The following DAB2IP variants were observed in gnomAD, a reference collection of about 807,000 sequenced individuals.
DAB2IP encodes the protein disabled homolog 2-interacting protein.
A neutral mutation model predicts 107.2 loss-of-function variants in DAB2IP; 28 were observed. The observed-to-expected ratio is 0.26, with a 90% CI of 0.19 to 0.36. The LOEUF is 0.36. DAB2IP is among the 10% of genes least tolerant of loss of function. The pLI, the probability that DAB2IP is intolerant of heterozygous loss-of-function variation, is 1.00. For missense variants in DAB2IP, 1,400 were observed against 1,644.7 expected (o/e 0.85, Z 2.57); for synonymous variants, 755 against 706.4 (o/e 1.07, Z -1.09).
intron 1 of DAB2IP, among the ~76,000 whole-genome samples, chr9:121,653,412 T>C (rs10985343): frequency 0.35 from 53,135 of 151,756 alleles, 10,332 homozygotes; most frequent in African/African-American, 0.51. Context: ...CTTACTCCCT[T>C]CCCCTGGACT....
chr9:121,605,807 C>G (rs1830850915), intron 1 of DAB2IP, among the ~76,000 whole-genome samples: 1 of 152,144 alleles, frequency 6.6e-6, no homozygotes, highest in African/African-American at 2.4e-5. Context: ...CACCTGGCTT[C>G]TTTAGCATTT....
chr9:121,670,524 T>C (rs1237298861), intron 1 of DAB2IP, among the ~76,000 whole-genome samples: 2 of 152,236 alleles, frequency 1.3e-5, no homozygotes, highest in East Asian at 3.8e-4. Context: ...GTTTCTGTTT[T>C]CTTGCTGGCT....
At chr9:121,759,849 C>G (rs371466426) in intron 5 of DAB2IP, 36 bp from the exon 6 acceptor site, 1 of 1,572,712 alleles carries the variant, frequency 6.4e-7, no homozygotes, top group Non-Finnish European at 8.6e-7. Context: ...ACGTGGCACC[C>G]CCAGCTGACC....
At chr9:121,774,549 C>T in intron 13 of DAB2IP, 137 bp downstream of exon 13, 1 of 1,033,280 alleles carries the variant, frequency 9.7e-7, no homozygotes, top group South Asian at 1.8e-5. Context: ...AGCCCCTGTT[C>T]CCTGTGAGAA....
chr9:121,675,130 G>A (rs759248374), intron 1 of DAB2IP, among the ~76,000 whole-genome samples: 5 of 152,066 alleles, frequency 3.3e-5, no homozygotes, highest in South Asian at 2.1e-4. Flanking sequence ...CTGCTGAGTC[G>A]CCAAGTAGCA....
intron 1 of DAB2IP, among the ~76,000 whole-genome samples, chr9:121,567,576 T>A (rs1006202579): frequency 6.6e-6 from 1 of 152,156 alleles, no homozygotes; most frequent in Non-Finnish European, 1.5e-5. Flanking sequence ...GCCTGCCCTG[T>A]GCTGTGGGGA....
intron 3 of DAB2IP, among the ~76,000 whole-genome samples, chr9:121,707,789 T>G (rs939736655): frequency 3.3e-5 from 5 of 152,224 alleles, no homozygotes; most frequent in Non-Finnish European, 5.9e-5. Flanking sequence ...TGTTAGCAGG[T>G]GAAGGATGTG....
At chr9:121,576,194 A>T (rs1186466615) in intron 1 of DAB2IP, 1 of 151,996 alleles carries the variant, frequency 6.6e-6, no homozygotes, top group East Asian at 1.9e-4. Context: ...AAAACTTCAC[A>T]GGGCCCACCG....
chr9:121,601,496 T>C (rs1357763625), intron 1 of DAB2IP, among the ~76,000 whole-genome samples: 1 of 152,220 alleles, frequency 6.6e-6, no homozygotes, highest in East Asian at 1.9e-4. Context: ...CCACTGGTTC[T>C]GGAACAACCC....
chr9:121,667,874 A>T (rs934105229), intron 1 of DAB2IP, among the ~76,000 whole-genome samples: 5 of 152,222 alleles, frequency 3.3e-5, no homozygotes, highest in African/African-American at 1.2e-4. Context: ...AAGACTGGGA[A>T]GAAAAAGAGG....
intron 1 of DAB2IP, among the ~76,000 whole-genome samples, chr9:121,660,010 T>C (rs1442714903): frequency 1.3e-5 from 2 of 151,674 alleles, no homozygotes; most frequent in Non-Finnish European, 2.9e-5. Flanking sequence ...CCTCGGGAGC[T>C]CAGAGGCCAA....
At chr9:121,725,664 A>G (rs1831203754) in intron 3 of DAB2IP, among the ~76,000 whole-genome samples, 1 of 152,228 alleles carries the variant, frequency 6.6e-6, no homozygotes, top group Admixed American at 6.5e-5. Context: ...ACCAGCGCTC[A>G]AGGAAGGCTC....
chr9:121,777,231 A>G (rs1296110115), intron 14 of DAB2IP, among the ~76,000 whole-genome samples: 3 of 152,240 alleles, frequency 2.0e-5, no homozygotes, highest in Non-Finnish European at 4.4e-5. Flanking sequence ...TCAGCTGGAC[A>G]GACCAAGCAG....
intron 1 of DAB2IP, among the ~76,000 whole-genome samples, chr9:121,641,992 CCTTTCTCTCT>C: frequency 3.4e-5 from 1 of 29,328 alleles, no homozygotes; most frequent in Non-Finnish European, 5.6e-5. Flanking sequence ...TTCTTTCTTT[CCTTTCTCTCT>C]CTCTCTCTCT....
chr9:121,653,796 C>T (rs1832861669), intron 1 of DAB2IP, among the ~76,000 whole-genome samples: 1 of 152,206 alleles, frequency 6.6e-6, no homozygotes, highest in Admixed American at 6.5e-5. Flanking sequence ...GGGGCTGTCA[C>T]CTGAGCCCCA....
intron 1 of DAB2IP, among the ~76,000 whole-genome samples, chr9:121,603,273 C>A (rs567682148): frequency 6.6e-6 from 1 of 152,302 alleles, no homozygotes; most frequent in East Asian, 1.9e-4. Context: ...CCCGAGGCTG[C>A]CTGGCCTGGG....
At chr9:121,648,433 T>C (rs1164094999), upstream of DAB2IP, among the ~76,000 whole-genome samples, 2 of 151,750 alleles carry the variant, frequency 1.3e-5, no homozygotes, top group African/African-American at 4.8e-5. Flanking sequence ...CCAAGGGGGC[T>C]GAAATGGGTT....
Position 121,651,688 on chromosome 9 carries a change from G to C in DAB2IP, c.-88G>C. 1 of 1,124,524 alleles carries C rather than the reference G, an allele frequency of 8.9e-7. No individual in the cohort carries two copies. Among genetic ancestry groups the C allele is most frequent in the Admixed American group, 4.9e-5 (1 of 20,300 alleles). The allele number at this position is 1,124,524 out of a possible 1,614,324, so 69.7% of individuals were successfully genotyped here. ...GCCGCTCGGGCGAGCGCGGGAGAAC[G>C]CGTGGGCGCCCGCCGGGCTGTCCGG... On this transcript the variant is annotated 5_prime_UTR_variant, in exon 1 of 16. Transcript: ENST00000408936. The surrounding 1 kb of genome is among the most constrained non-coding windows in gnomAD (Gnocchi z 5.1).
chr9:121,592,655 A>G (rs888324770), intron 1 of DAB2IP, among the ~76,000 whole-genome samples: 1 of 152,238 alleles, frequency 6.6e-6, no homozygotes, highest in African/African-American at 2.4e-5. Context: ...TTCATCGTCT[A>G]GAGTCTGAAC....
Sources: gnomAD v4.1 joint callset for allele counts (sites outside exome capture counted in the v4.1 genomes callset) on GRCh38, gnomAD v4.1.1 for gene constraint, Gnocchi (gnomAD v3.1) non-coding constraint, MANE v1.5 for transcripts, NCBI Gene and HGNC (gene_info 2026-07-23, HGNC 2026-07-21) for gene names.